Variants in PRKG1 observed in about 807,000 individuals in gnomAD.
The protein encoded by PRKG1 is protein kinase cGMP-dependent 1.
In PRKG1, 35 loss-of-function variants were observed where a neutral mutation model predicts 88.1. The observed-to-expected ratio is 0.40, with a 90% confidence interval of 0.30 to 0.53. PRKG1 has a LOEUF of 0.53. PRKG1 is among the 20% of genes least tolerant of loss of function. The pLI is 0.59. For synonymous variants in PRKG1, 303 were observed against 292.5 expected (o/e 1.04, Z -0.37); for missense variants, 540 against 839.8 (o/e 0.64, Z 4.41).
At chr10:52,204,356 G>A (rs1396872763) in intron 9 of PRKG1, among the ~76,000 whole-genome samples, 1 of 152,082 alleles carries the variant, frequency 6.6e-6, no homozygotes, top group Non-Finnish European at 1.5e-5. Context: ...AAAGTGCTAG[G>A]ATTACAGGTG....
At chr10:51,285,638 G>C (rs1443230468) in intron 2 of PRKG1, among the ~76,000 whole-genome samples, 1 of 152,196 alleles carries the variant, frequency 6.6e-6, no homozygotes, top group Admixed American at 6.5e-5. Context: ...TAGGAACTGA[G>C]ATTCTGAGAA....
intron 3 of PRKG1, among the ~76,000 whole-genome samples, chr10:51,720,323 A>G (rs959227847): frequency 1.4e-4 from 22 of 151,954 alleles, no homozygotes; most frequent in Admixed American, 4.6e-4. Flanking sequence ...AAAAGTTCCA[A>G]TTCTGAGTCA....
rs1018540876 is a variant in PRKG1 at position 51,193,756 on chromosome 10, T to C, written c.478+40426T>C. On this transcript the variant is annotated intron_variant, in intron 2 of 17. Coordinates refer to ENST00000373980, the MANE Select transcript of PRKG1 (RefSeq NM_006258.4). ...AGATCATAAGCCAAGGAGAAAAAGG[T>C]TAATGTTCTCAAAATGTGTAGTAAC... Among the ~76,000 whole-genome samples, 5 of 152,208 alleles carry C rather than the reference T, an allele frequency of 3.3e-5. No individual in the cohort carries two copies. In the South Asian group the frequency reaches 6.2e-4, roughly 19 times the overall value.
At chr10:51,151,721 C>T (rs1010772512) in intron 1 of PRKG1, among the ~76,000 whole-genome samples, 18 of 152,040 alleles carry the variant, frequency 1.2e-4, no homozygotes, top group African/African-American at 4.1e-4. Context: ...TAACGTTCCA[C>T]TCTAGGATTA....
intron 2 of PRKG1, among the ~76,000 whole-genome samples, chr10:51,404,802 A>G (rs901248604): frequency 2.0e-5 from 3 of 152,144 alleles, no homozygotes; most frequent in African/African-American, 7.2e-5. Flanking sequence ...CATGGAGAGC[A>G]GAAATCTCTC....
At chr10:51,161,835 C>G (rs1846371839) in intron 2 of PRKG1, among the ~76,000 whole-genome samples, 1 of 151,920 alleles carries the variant, frequency 6.6e-6, no homozygotes, top group South Asian at 2.1e-4. Context: ...AGAAACAAAA[C>G]AGCATAGCTG....
At chr10:51,620,367 C>T (rs544368225) in intron 3 of PRKG1, among the ~76,000 whole-genome samples, 1 of 152,012 alleles carries the variant, frequency 6.6e-6, no homozygotes, top group Non-Finnish European at 1.5e-5. Context: ...GCTCTCTATT[C>T]ACCCTAGACA....
At position 51,747,855 on chromosome 10, in the gene PRKG1, C is replaced by T. The variant is rs116696745; in HGVS notation, c.593-56730C>T. ...CGCAATCTTGGCTCACTGCAACCTC[C>T]GCCTCCCAGGTTCAAGCGAGAATTC... is the stretch of plus-strand genomic sequence containing the variant. On this transcript the variant is annotated intron_variant, in intron 3 of 17. Coordinates refer to ENST00000373980, the MANE Select transcript of PRKG1 (RefSeq NM_006258.4). Among the ~76,000 whole-genome samples the T allele has an allele frequency of 9.8e-3, 1,494 of 152,138 alleles. 21 individuals are homozygous for T. The highest frequency in any genetic ancestry group is 0.032 in the African/African-American group (1,308 of 41,508).
At chr10:51,033,639 C>T (rs534281620) in intron 1 of PRKG1, among the ~76,000 whole-genome samples, 20 of 152,166 alleles carry the variant, frequency 1.3e-4, no homozygotes, top group African/African-American at 1.9e-4. Flanking sequence ...AGACACATTT[C>T]GGAGTGAAGA....
intron 17 of PRKG1, among the ~76,000 whole-genome samples, chr10:52,292,580 C>T (rs966414876): frequency 4.0e-5 from 6 of 151,548 alleles, no homozygotes; most frequent in East Asian, 1.9e-4. Context: ...TGTAGATATG[C>T]GGCGTTATTT....
chr10:51,664,924 A>G (rs780987893), intron 3 of PRKG1, among the ~76,000 whole-genome samples: 6 of 152,160 alleles, frequency 3.9e-5, no homozygotes, highest in Non-Finnish European at 5.9e-5. Flanking sequence ...CATTATTGTT[A>G]TAAGAGTATG....
At chr10:51,753,924 C>A (rs1837791229) in intron 3 of PRKG1, among the ~76,000 whole-genome samples, 1 of 151,958 alleles carries the variant, frequency 6.6e-6, no homozygotes, top group Non-Finnish European at 1.5e-5. Flanking sequence ...GAATTTTGCT[C>A]TTTTGTCTTT....
chr10:51,295,638 CTT>C (rs1840700232), intron 2 of PRKG1, among the ~76,000 whole-genome samples: 1 of 147,622 alleles, frequency 6.8e-6, no homozygotes, highest in South Asian at 2.2e-4. Context: ...ATTTCCTTTC[CTT>C]TCCTCTTCTT....
rs1472028320 is a variant in PRKG1, at chr10:50,991,366, G to T, written c.-13G>T. 1 of 1,517,916 alleles carries T rather than the reference G, an allele frequency of 6.6e-7. No individual in the cohort carries two copies. The highest frequency in any genetic ancestry group is 8.8e-7 in the Non-Finnish European group (1 of 1,132,464). The allele number at this position is 1,517,916 out of a possible 1,614,324, so 94.0% of individuals were successfully genotyped here. On this transcript the variant is annotated 5_prime_UTR_variant, in exon 1 of 18. Transcript: ENST00000401604. This position sits in a 1 kb window ranked among gnomAD's most constrained non-coding sequence, Gnocchi z 4.5. ...GCCCGAGAAAAAGTTTCGCGGAGGG[G>T]CTCAGTGAAAAAATGAGCGAGCTAG...
chr10:52,189,002 G>A (rs1325700234), intron 9 of PRKG1, among the ~76,000 whole-genome samples: 1 of 152,082 alleles, frequency 6.6e-6, no homozygotes, highest in Non-Finnish European at 1.5e-5. Flanking sequence ...AAGAAATATG[G>A]CATTTATATT....
intron 9 of PRKG1, among the ~76,000 whole-genome samples, chr10:52,243,599 A>G (rs1564529755): frequency 6.6e-6 from 1 of 152,312 alleles, no homozygotes; most frequent in East Asian, 1.9e-4. Flanking sequence ...TAAATATGCT[A>G]TGATGTGAAA....
chr10:51,908,734 A>ATATATTTT (rs563212069), intron 5 of PRKG1: 2 of 52,236 alleles, frequency 3.8e-5, no homozygotes, highest in Middle Eastern at 0.01. Flanking sequence ...TCTATATGTA[A>ATATATTTT]TTTTTTTTTT....
chr10:52,280,028 T>C (rs999222357), intron 12 of PRKG1, among the ~76,000 whole-genome samples: 1 of 152,114 alleles, frequency 6.6e-6, no homozygotes, highest in African/African-American at 2.4e-5. Context: ...AACATATATA[T>C]GCCCATATAT....
intron 5 of PRKG1, among the ~76,000 whole-genome samples, chr10:51,968,262 G>C (rs1435323007): frequency 2.0e-5 from 3 of 152,066 alleles, no homozygotes; most frequent in Non-Finnish European, 2.9e-5. Flanking sequence ...AAGGCCAACT[G>C]TAAAGATTAT....
Sources: allele counts gnomAD v4.1 joint callset (sites outside exome capture counted in the v4.1 genomes callset), GRCh38; gene constraint gnomAD v4.1.1; non-coding constraint Gnocchi (gnomAD v3.1); transcripts MANE v1.5; gene names NCBI Gene and HGNC (gene_info 2026-07-23, HGNC 2026-07-21).